The following RAB7A variants were observed in gnomAD, a reference collection of about 807,000 sequenced individuals.
RAB7A encodes the protein ras-related protein Rab-7a.
Under a neutral mutation model 24.5 loss-of-function variants are expected in RAB7A, and 2 were observed. The observed-to-expected ratio is 0.08, with a 90% confidence interval of 0.03 to 0.26. The LOEUF (loss-of-function observed/expected upper bound fraction) is 0.26. RAB7A is among the 10% of genes least tolerant of loss of function. The pLI, the probability that RAB7A is intolerant of heterozygous loss-of-function variation, is 1.00. For missense variants in RAB7A, 118 were observed against 255.7 expected (o/e 0.46, Z 3.67); for synonymous variants, 100 against 95.9 (o/e 1.04, Z -0.25).
Position 128,788,833 on chromosome 3 carries a change from A to G in RAB7A, c.-8-6527A>G, listed in dbSNP as rs1335699850. Among the ~76,000 whole-genome samples the G allele has an allele frequency of 2.6e-5, 4 of 152,134 alleles. No individual in the cohort carries two copies. The East Asian group carries it at 5.8e-4, about 22-fold the overall frequency. On this transcript the variant is annotated intron_variant, in intron 1 of 5. Transcript: ENST00000265062. The stretch of plus-strand genomic sequence containing the variant: ...CTCTGCCCACCCAAGCCCTTGAACA[A>G]TATTTTTCTTGATCTTTTTACCTGC...
chr3:128,765,793 C>T (rs923425084), intron 1 of RAB7A, among the ~76,000 whole-genome samples: 2 of 146,788 alleles, frequency 1.4e-5, no homozygotes, highest in African/African-American at 5.0e-5. Flanking sequence ...CAGAGTTTCT[C>T]TCTTGTCGCC....
At chr3:128,766,979 T>A (rs1046698377) in intron 1 of RAB7A, among the ~76,000 whole-genome samples, 10 of 152,090 alleles carry the variant, frequency 6.6e-5, no homozygotes, top group African/African-American at 2.4e-4. Flanking sequence ...TTTTTTTTTT[T>A]AATTCTAGTG....
At chr3:128,757,870 G>T (rs2070742801) in intron 1 of RAB7A, among the ~76,000 whole-genome samples, 1 of 152,184 alleles carries the variant, frequency 6.6e-6, no homozygotes, top group Non-Finnish European at 1.5e-5. Context: ...TGTTGCCCAG[G>T]CTGGTCTCCA....
chr3:128,737,328 C>T (rs1021706770), intron 1 of RAB7A, among the ~76,000 whole-genome samples: 9 of 146,470 alleles, frequency 6.1e-5, no homozygotes, highest in Non-Finnish European at 1.0e-4. Flanking sequence ...CGTGAGCCAC[C>T]GCTCCCGGCC....
intron 1 of RAB7A, among the ~76,000 whole-genome samples, chr3:128,753,269 A>G (rs1261891153): frequency 6.6e-6 from 1 of 152,102 alleles, no homozygotes; most frequent in Non-Finnish European, 1.5e-5. Context: ...GCACAGAAAA[A>G]CAAATATTGC....
At chr3:128,734,454 CAAAA>C (rs10524458) in intron 1 of RAB7A, among the ~76,000 whole-genome samples, 65 of 86,884 alleles carry the variant, frequency 7.5e-4, no homozygotes, top group African/African-American at 2.0e-3. Flanking sequence ...GACCCTACCT[CAAAA>C]AAAAAAAAAA....
chr3:128,803,946 T>G (rs770470178), intron 3 of RAB7A, among the ~76,000 whole-genome samples: 1 of 152,174 alleles, frequency 6.6e-6, no homozygotes, highest in Non-Finnish European at 1.5e-5. Flanking sequence ...CAAAACATTT[T>G]GAAACAAGCA....
At chr3:128,775,078 G>A (rs916871225) in intron 1 of RAB7A, among the ~76,000 whole-genome samples, 6 of 152,188 alleles carry the variant, frequency 3.9e-5, no homozygotes, top group East Asian at 1.9e-4. Flanking sequence ...CACTGCGCCC[G>A]GCCGACATCC....
chr3:128,772,798 G>T (rs376325897), intron 1 of RAB7A, among the ~76,000 whole-genome samples: 1 of 152,388 alleles, frequency 6.6e-6, no homozygotes, highest in Non-Finnish European at 1.5e-5. Flanking sequence ...CGCTGTGTTG[G>T]CCGGGCTGGT....
At chr3:128,744,372 T>A (rs754542562) in intron 1 of RAB7A, among the ~76,000 whole-genome samples, 13 of 152,250 alleles carry the variant, frequency 8.5e-5, no homozygotes, top group Non-Finnish European at 1.5e-4. Flanking sequence ...GAAAGGCCCA[T>A]ACCTGGGTCA....
chr3:128,755,326 C>T (rs1025065516), intron 1 of RAB7A, among the ~76,000 whole-genome samples: 1 of 151,718 alleles, frequency 6.6e-6, no homozygotes, highest in African/African-American at 2.4e-5. Flanking sequence ...GAAAATAAAA[C>T]ATTGCAAAAC....
At chr3:128,769,967 G>A (rs1400970404) in intron 1 of RAB7A, among the ~76,000 whole-genome samples, 1 of 151,616 alleles carries the variant, frequency 6.6e-6, no homozygotes, top group African/African-American at 2.4e-5. Flanking sequence ...TTTTTTAGAA[G>A]GTCAGATAAA....
intron 1 of RAB7A, chr3:128,764,615 C>T (rs1184769264): frequency 4.6e-6 from 6 of 1,299,094 alleles, no homozygotes; most frequent in Admixed American, 3.4e-5. Context: ...TAACATGTCT[C>T]AATGAAGTCA....
At chr3:128,787,307 T>A (rs1028781954) in intron 1 of RAB7A, among the ~76,000 whole-genome samples, 3 of 152,270 alleles carry the variant, frequency 2.0e-5, no homozygotes, top group Non-Finnish European at 4.4e-5. Context: ...TTCAAATATC[T>A]AGTGCTATCA....
chr3:128,753,641 GT>G (rs777824492), intron 1 of RAB7A, among the ~76,000 whole-genome samples: 22 of 152,148 alleles, frequency 1.4e-4, no homozygotes, highest in Non-Finnish European at 2.8e-4. Flanking sequence ...CAGATACAGT[GT>G]TTGATAAGTT....
At chr3:128,770,225 A>G (rs1449331621) in intron 1 of RAB7A, among the ~76,000 whole-genome samples, 1 of 150,648 alleles carries the variant, frequency 6.6e-6, no homozygotes, top group Non-Finnish European at 1.5e-5. Context: ...CTGGTTTCGA[A>G]CTCCTGACCT....
At chr3:128,755,493 A>C (rs1453177832) in intron 1 of RAB7A, among the ~76,000 whole-genome samples, 1 of 152,086 alleles carries the variant, frequency 6.6e-6, no homozygotes, top group Non-Finnish European at 1.5e-5. Flanking sequence ...AGAAGGAACT[A>C]ATACAGTAGA....
intron 1 of RAB7A, among the ~76,000 whole-genome samples, chr3:128,772,072 A>G (rs1379371607): frequency 6.6e-6 from 1 of 152,228 alleles, no homozygotes; most frequent in Admixed American, 6.5e-5. Context: ...CTCATAAGAC[A>G]AGCAGTTACA....
chr3:128,793,478 G>T (rs1451926327), intron 1 of RAB7A, among the ~76,000 whole-genome samples: 1 of 152,132 alleles, frequency 6.6e-6, no homozygotes, highest in Non-Finnish European at 1.5e-5. Flanking sequence ...TAGAGACGGG[G>T]TTTCACCATG....
Sources: allele counts gnomAD v4.1 joint callset (sites outside exome capture counted in the v4.1 genomes callset), GRCh38; gene constraint gnomAD v4.1.1; transcripts MANE v1.5; gene names NCBI Gene and HGNC (gene_info 2026-07-23, HGNC 2026-07-21).